RNLS: variants seen among roughly 807,000 people sequenced by gnomAD.
RNLS encodes the protein renalase, FAD dependent amine oxidase.
A neutral mutation model predicts 39.8 loss-of-function variants in RNLS; 39 were observed. That is an observed-to-expected ratio of 0.98 (90% CI 0.76 to 1.28). The LOEUF (loss-of-function observed/expected upper bound fraction) is 1.28. RNLS is among the 50% of genes most tolerant of loss of function. The pLI is 0.00. For missense variants in RNLS, 410 were observed against 413.3 expected (o/e 0.99, Z 0.07); for synonymous variants, 147 against 150.7 (o/e 0.98, Z 0.18).
At chr10:88,314,200 A>G (rs1453627778) in intron 6 of RNLS, among the ~76,000 whole-genome samples, 1 of 152,210 alleles carries the variant, frequency 6.6e-6, no homozygotes, top group Non-Finnish European at 1.5e-5. Flanking sequence ...TGAAGAGAAG[A>G]CCTCGGAATA....
chr10:88,539,926 TA>T (rs1847956044), intron 4 of RNLS, among the ~76,000 whole-genome samples: 1 of 152,106 alleles, frequency 6.6e-6, no homozygotes, highest in Admixed American at 6.6e-5. Context: ...TACAAGATAC[TA>T]TGCTATCACT....
chr10:88,294,314 A>G (rs995480595), intron 6 of RNLS, among the ~76,000 whole-genome samples: 1 of 152,222 alleles, frequency 6.6e-6, no homozygotes, highest in Non-Finnish European at 1.5e-5. Context: ...ATTTGCATAT[A>G]GGAAACTAGT....
chr10:88,417,173 T>G (rs1854082245), intron 4 of RNLS, among the ~76,000 whole-genome samples: 1 of 152,212 alleles, frequency 6.6e-6, no homozygotes, highest in Admixed American at 6.5e-5. Context: ...GAAGTTGTAA[T>G]TTTTGAATCA....
intron 4 of RNLS, among the ~76,000 whole-genome samples, chr10:88,503,930 T>C (rs371799453): frequency 3.9e-5 from 6 of 152,146 alleles, no homozygotes; most frequent in South Asian, 4.2e-4. Context: ...TTCTCTCTCA[T>C]CATATTCTAC....
At chr10:88,424,899 A>T (rs1854639466) in intron 4 of RNLS, among the ~76,000 whole-genome samples, 1 of 152,160 alleles carries the variant, frequency 6.6e-6, no homozygotes, top group Admixed American at 6.6e-5. Flanking sequence ...ACGTTTGGTC[A>T]TGCTTTTTTC....
At chr10:88,309,555 A>ATGGG in intron 6 of RNLS, 1 of 893,058 alleles carries the variant, frequency 1.1e-6, no homozygotes, top group Non-Finnish European at 1.6e-6. Context: ...TAGCAGTACT[A>ATGGG]TGGGTAACTG....
At chr10:88,391,121 A>T (rs1309546907) in intron 4 of RNLS, among the ~76,000 whole-genome samples, 1 of 152,216 alleles carries the variant, frequency 6.6e-6, no homozygotes, top group Non-Finnish European at 1.5e-5. Context: ...AATTTGTAAC[A>T]TCCCAATTCA....
At chr10:88,535,767 C>T (rs1847720615) in intron 4 of RNLS, among the ~76,000 whole-genome samples, 1 of 152,022 alleles carries the variant, frequency 6.6e-6, no homozygotes, top group Non-Finnish European at 1.5e-5. Context: ...TGTTGAGAAA[C>T]TATCTCAGTA....
chr10:88,485,380 T>C (rs570363540), intron 4 of RNLS, among the ~76,000 whole-genome samples: 1 of 151,976 alleles, frequency 6.6e-6, no homozygotes, highest in East Asian at 1.9e-4. Context: ...CAAAAAGTTG[T>C]TCTGGAACAA....
At chr10:88,305,108 AAAGAAG>A (rs966835406) in intron 6 of RNLS, among the ~76,000 whole-genome samples, 2 of 152,156 alleles carry the variant, frequency 1.3e-5, no homozygotes, top group Non-Finnish European at 2.9e-5. Context: ...TCATAAGCTT[AAAGAAG>A]AAGAAGAAGA....
At chr10:88,311,636 G>C (rs1055807580) in intron 6 of RNLS, among the ~76,000 whole-genome samples, 1 of 152,164 alleles carries the variant, frequency 6.6e-6, no homozygotes, top group Non-Finnish European at 1.5e-5. Context: ...TGCACCATTA[G>C]CTTGCCCTAG....
the RNLS span, among the ~76,000 whole-genome samples, chr10:88,191,880 G>A: frequency 6.6e-6 from 1 of 152,008 alleles, no homozygotes; most frequent in Non-Finnish European, 1.5e-5. Context: ...TGGCTTCAAT[G>A]TACTTTTGAG....
downstream of RNLS, among the ~76,000 whole-genome samples, chr10:88,269,789 A>G (rs546031027): frequency 6.6e-6 from 1 of 152,336 alleles, no homozygotes; most frequent in East Asian, 1.9e-4. Flanking sequence ...ACACAACAAT[A>G]GAAGGTTTTA....
chr10:88,519,182 T>C (rs1334333872), intron 4 of RNLS, among the ~76,000 whole-genome samples: 1 of 152,124 alleles, frequency 6.6e-6, no homozygotes, highest in African/African-American at 2.4e-5. Context: ...AGGCTTGAAC[T>C]GCTATTCTTT....
chr10:88,173,669 T>C, the RNLS span, among the ~76,000 whole-genome samples: 1 of 152,224 alleles, frequency 6.6e-6, no homozygotes, highest in African/African-American at 2.4e-5. Context: ...TGGTTGTTTT[T>C]TTAGACTCCT....
At position 88,544,520 on chromosome 10, in the gene RNLS, T is replaced by A. The variant is rs551818459; in HGVS notation, c.526+28383A>T. On this transcript the variant is annotated intron_variant, in intron 4 of 6. Transcript: ENST00000331772. ...GGTGAAATTTGGGTAGAGAAAAACT[T>A]AATAAAGTAGGTCTAATTATTTGGC... 3.3e-5 allele frequency among the ~76,000 whole-genome samples: 5 copies of A among 152,330 alleles called. No homozygotes were observed. The South Asian group carries it at 1.0e-3, about 32-fold the overall frequency.
At chr10:88,274,917 A>G (rs777216110) in exon 7 of RNLS, 1 of 1,508,866 alleles carries the variant, frequency 6.6e-7, no homozygotes, top group Non-Finnish European at 9.2e-7. Context: ...CCTTAAAAAA[A>G]AAAATCAAAT....
At chr10:88,206,998 C>T in the RNLS span, among the ~76,000 whole-genome samples, 1 of 152,036 alleles carries the variant, frequency 6.6e-6, no homozygotes, top group African/African-American at 2.4e-5. Flanking sequence ...AGACAGACCC[C>T]ATAAATGTGT....
chr10:88,284,622 G>A lies in RNLS; in HGVS notation c.*732C>T. ...GTAACAGCAACAGCTATAAAATATA[G>A]CAAAAGGTAAGGATCGATATACTTT... On this transcript the variant is annotated 3_prime_UTR_variant, in exon 7 of 7. Transcript: ENST00000331772. The A allele has an allele frequency of 2.0e-6, 2 of 985,190 alleles. No homozygotes were observed. The highest frequency in any genetic ancestry group is 9.4e-5 in the South Asian group (2 of 21,290). The allele number at this position is 985,190 out of a possible 1,614,324, so 61.0% of individuals were successfully genotyped here.
Sources: gnomAD v4.1 joint callset for allele counts (sites outside exome capture counted in the v4.1 genomes callset) on GRCh38, gnomAD v4.1.1 for gene constraint, MANE v1.5 for transcripts, NCBI Gene and HGNC (gene_info 2026-07-23, HGNC 2026-07-21) for gene names.